The following SHLD2 variants were observed in gnomAD, a reference collection of about 807,000 sequenced individuals.
SHLD2 encodes the protein shieldin complex subunit 2, also known as RINN1-REV7-interacting novel NHEJ regulator 2.
SHLD2 carries 30 observed loss-of-function variants against 73.2 expected under a neutral mutation model. That is an observed-to-expected ratio of 0.41 (90% CI 0.31 to 0.56). SHLD2 has a LOEUF of 0.56. Ranked by LOEUF, SHLD2 falls within the 20% of genes least tolerant of loss-of-function variation. The probability of loss-of-function intolerance (pLI) is 0.28; values close to 1 mark genes in which losing one functional copy is unlikely to be tolerated. For synonymous variants in SHLD2, 285 were observed against 370.1 expected (o/e 0.77, Z 2.64); for missense variants, 745 against 1,055.9 (o/e 0.71, Z 4.08).
intron 3 of SHLD2, among the ~76,000 whole-genome samples, chr10:87,154,957 C>T (rs1299107738): frequency 2.0e-5 from 3 of 151,774 alleles, no homozygotes; most frequent in Admixed American, 6.6e-5. Flanking sequence ...TTTTTTGAGA[C>T]GGAGTCTGGC....
chr10:87,155,756 G>A (rs1361466161), intron 3 of SHLD2, among the ~76,000 whole-genome samples: 1 of 151,988 alleles, frequency 6.6e-6, no homozygotes, highest in Admixed American at 6.6e-5. Flanking sequence ...CATCTCTATA[G>A]TTGTTAACAA....
chr10:87,144,011 T>C (rs1845400295), intron 2 of SHLD2, among the ~76,000 whole-genome samples: 1 of 152,022 alleles, frequency 6.6e-6, no homozygotes, highest in African/African-American at 2.4e-5. Flanking sequence ...TACAGGCACA[T>C]GCCACCATGC....
At chr10:87,160,753 G>A (rs1440877472) in intron 4 of SHLD2, among the ~76,000 whole-genome samples, 1 of 152,178 alleles carries the variant, frequency 6.6e-6, no homozygotes, top group Non-Finnish European at 1.5e-5. Flanking sequence ...ACTTTGGGAG[G>A]CCAAGGTGGG....
At chr10:87,137,588 C>T (rs1316588157) in intron 2 of SHLD2, among the ~76,000 whole-genome samples, 1 of 151,918 alleles carries the variant, frequency 6.6e-6, no homozygotes. Context: ...GATGGTCTAA[C>T]ATATATGTAA....
At position 87,141,337 on chromosome 10, in the gene SHLD2, G is replaced by GT. The variant is rs200905992; in HGVS notation, c.-5-9996dup. Reference sequence around the variant, plus strand: ...GAAGAAATAAATTCTGGTGTTCGGTGTTTTTTTTTTTTTTTTTCTGAGATG... The same window carrying GT: ...GAAGAAATAAATTCTGGTGTTCGGTGTTTTTTTTTTTTTTTTTTCTGAGATG... On this transcript the variant is annotated intron_variant, in intron 2 of 9. Coordinates refer to ENST00000298786, the MANE Select transcript of SHLD2 (RefSeq NM_001330112.2). Among the ~76,000 whole-genome samples the GT allele has an allele frequency of 4.6e-3, 625 of 135,706 alleles. 1 individual carries two copies. Among genetic ancestry groups the GT allele is most frequent in the African/African-American group, 8.5e-3 (315 of 37,054 alleles). 89.0% of individuals were successfully genotyped at this position (135,706 alleles called of 152,430 possible). A position where few individuals can be genotyped will look rare whatever the true frequency, so the allele number is the denominator to read the frequency against.
At chr10:87,120,267 A>T (rs1843521797) in intron 2 of SHLD2, among the ~76,000 whole-genome samples, 1 of 117,826 alleles carries the variant, frequency 8.5e-6, no homozygotes, top group African/African-American at 4.0e-5. Context: ...TATTTTTTTG[A>T]GACAGAGTCT....
rs1362915553 is a variant in SHLD2, at chr10:87,191,109, A to G, written c.*426A>G. 1 of 210,028 alleles carries G rather than the reference A, an allele frequency of 4.8e-6. No homozygotes were observed. Among genetic ancestry groups the G allele is most frequent in the Non-Finnish European group, 9.6e-6 (1 of 104,218 alleles). The allele number at this position is 210,028 out of a possible 1,614,324, so 13.0% of individuals were successfully genotyped here. Reference sequence around the variant, plus strand: ...TCAATGTGAAATCATTTCCTTGATTATAACTATAATGATAATGGATTAGTT... The same window carrying G: ...TCAATGTGAAATCATTTCCTTGATTGTAACTATAATGATAATGGATTAGTT... On this transcript the variant is annotated 3_prime_UTR_variant, in exon 10 of 10. Coordinates refer to ENST00000298786, the MANE Select transcript of SHLD2 (RefSeq NM_001330112.2).
chr10:87,135,193 T>C (rs975166992), intron 2 of SHLD2, among the ~76,000 whole-genome samples: 2 of 151,902 alleles, frequency 1.3e-5, no homozygotes, highest in African/African-American at 4.8e-5. Flanking sequence ...ATTAGTATGG[T>C]ATATTTGTTA....
intron 2 of SHLD2, among the ~76,000 whole-genome samples, chr10:87,142,891 C>G (rs147986842): frequency 0.036 from 5,042 of 141,814 alleles, 117 homozygotes; most frequent in Middle Eastern, 0.12. Flanking sequence ...TTCATGATTA[C>G]TAGTCTTAAA....
intron 3 of SHLD2, among the ~76,000 whole-genome samples, chr10:87,156,130 G>T (rs889195992): frequency 2.7e-5 from 4 of 149,848 alleles, no homozygotes; most frequent in Non-Finnish European, 5.9e-5. Flanking sequence ...GCAGTGGCGC[G>T]ATCTCGGCTC....
intron 2 of SHLD2, among the ~76,000 whole-genome samples, chr10:87,117,311 C>T (rs959758160): frequency 1.3e-5 from 2 of 151,882 alleles, no homozygotes; most frequent in African/African-American, 2.4e-5. Context: ...CCCAGCTACT[C>T]GGGAGGCTGA....
intron 2 of SHLD2, among the ~76,000 whole-genome samples, chr10:87,121,348 C>T (rs1020536118): frequency 6.6e-6 from 1 of 152,112 alleles, no homozygotes; most frequent in African/African-American, 2.4e-5. Context: ...TGGTCTCAAA[C>T]TCCTGGGCTT....
At chr10:87,185,628 A>G (rs1322327110) in intron 8 of SHLD2, among the ~76,000 whole-genome samples, 1 of 152,210 alleles carries the variant, frequency 6.6e-6, no homozygotes, top group Non-Finnish European at 1.5e-5. Context: ...TATCTAAGAA[A>G]GGTGTCATTT....
intron 2 of SHLD2, among the ~76,000 whole-genome samples, chr10:87,129,648 ATGGAGTATCTACTCTTT>A (rs1162269999): frequency 6.6e-6 from 1 of 151,736 alleles, no homozygotes; most frequent in Non-Finnish European, 1.5e-5. Flanking sequence ...TTTTTCATGG[ATGGAGTATCTACTCTTT>A]TGACACAGGG....
Position 87,152,027 on chromosome 10 carries a change from G to A in SHLD2, c.673G>A (p.Glu225Lys). 6.2e-7 allele frequency: 1 copy of A among 1,611,924 alleles called. No homozygotes were observed. The change falls in exon 3 of 10, where the codon GAA (glutamate) becomes AAA (lysine). Residue 225 changes from glutamate to lysine, a missense_variant. Glu to Lys is a moderately conservative substitution (Grantham distance 56). Transcript: ENST00000298786. ...SSNAVDKSRS[E>K]AAVRKVSDLK... is the part of the protein sequence containing the mutation. Reference sequence around the variant, plus strand: ...GAACGCAGTAGATAAGTCAAGGTCTGAAGCAGCAGTTAGGAAGGTCTCAGA... The same window carrying A: ...GAACGCAGTAGATAAGTCAAGGTCTAAAGCAGCAGTTAGGAAGGTCTCAGA...
intron 2 of SHLD2, among the ~76,000 whole-genome samples, chr10:87,102,339 T>C (rs1346970760): frequency 6.6e-6 from 1 of 152,196 alleles, no homozygotes; most frequent in Admixed American, 6.5e-5. Flanking sequence ...TTTTTACTCC[T>C]GGACCCAAGC....
chr10:87,163,172 T>G (rs1321776350), intron 4 of SHLD2, among the ~76,000 whole-genome samples: 1 of 152,036 alleles, frequency 6.6e-6, no homozygotes, highest in Non-Finnish European at 1.5e-5. Context: ...TATGGAGTGA[T>G]TCCCAGGACA....
chr10:87,099,643 TC>T (rs1842139388), intron 2 of SHLD2, among the ~76,000 whole-genome samples: 2 of 152,252 alleles, frequency 1.3e-5, no homozygotes, highest in African/African-American at 4.8e-5. Flanking sequence ...GCATATGTTT[TC>T]AGTTCTCTTG....
At chr10:87,159,274 T>C (rs1020794406) in intron 4 of SHLD2, among the ~76,000 whole-genome samples, 1 of 152,150 alleles carries the variant, frequency 6.6e-6, no homozygotes, top group Admixed American at 6.5e-5. Context: ...AAGGTTTCAT[T>C]ATATACTAGG....
Sources: allele counts gnomAD v4.1 joint callset (sites outside exome capture counted in the v4.1 genomes callset), GRCh38; gene constraint gnomAD v4.1.1; transcripts MANE v1.5; gene names NCBI Gene and HGNC (gene_info 2026-07-23, HGNC 2026-07-21).